CDH13: variants seen among roughly 807,000 people sequenced by gnomAD.
CDH13 encodes cadherin 13.
A neutral mutation model predicts 63.8 loss-of-function variants in CDH13; 24 were observed. The observed-to-expected ratio is 0.38, with a 90% CI of 0.27 to 0.53. The LOEUF is 0.53. CDH13 is among the 20% of genes least tolerant of loss of function. CDH13 has a pLI of 0.85. For missense variants in CDH13, 1,049 were observed against 903.1 expected, an observed-to-expected ratio of 1.16 and a Z score of -2.07; for synonymous variants, 503 against 355.3, an observed-to-expected ratio of 1.42 and a Z score of -4.67.
At chr16:83,792,113 C>G in intron 13 of CDH13, among the ~76,000 whole-genome samples, 1 of 152,184 alleles carries the variant, frequency 6.6e-6, no homozygotes, top group East Asian at 1.9e-4. Flanking sequence ...TATTGCGAAA[C>G]GTATTATGGA....
chr16:83,398,973 A>G (rs1178054039), intron 6 of CDH13, among the ~76,000 whole-genome samples: 12 of 152,190 alleles, frequency 7.9e-5, no homozygotes, highest in Admixed American at 5.9e-4. Context: ...AATGGATGCT[A>G]TTTACAACAA....
intron 6 of CDH13, among the ~76,000 whole-genome samples, chr16:83,446,055 T>C (rs2072678449): frequency 6.6e-6 from 1 of 151,854 alleles, no homozygotes; most frequent in Non-Finnish European, 1.5e-5. Context: ...TCCCAGCACT[T>C]TGGGAGGCTG....
At chr16:82,920,223 G>T (rs979903701) in intron 2 of CDH13, among the ~76,000 whole-genome samples, 1 of 152,124 alleles carries the variant, frequency 6.6e-6, no homozygotes, top group African/African-American at 2.4e-5. Flanking sequence ...TGTCTGTGTT[G>T]GCTCCATTCC....
rs1044819681 is a variant in CDH13, at chr16:82,644,956, A to G, written c.45+17819A>G. On this transcript the variant is annotated intron_variant, in intron 1 of 13. Transcript: ENST00000567109. This position sits in a 1 kb window ranked among gnomAD's most constrained non-coding sequence, Gnocchi z 5.7. ...ACTTGTATAAACTAATATTTTGGAA[A>G]ACTCTGGAGTTAGAGAAGTGGACCA... Among the ~76,000 whole-genome samples the G allele has an allele frequency of 6.6e-6, 1 of 152,228 alleles. No homozygotes were observed. The highest frequency in any genetic ancestry group is 1.5e-5 in the Non-Finnish European group (1 of 68,046).
At position 82,713,454 on chromosome 16, in the gene CDH13, C is replaced by G. The variant is rs376505896; in HGVS notation, c.45+86317C>G. On this transcript the variant is annotated intron_variant, in intron 1 of 13. Coordinates refer to ENST00000567109, the MANE Select transcript of CDH13 (RefSeq NM_001257.5). ...AGTATGCGTCCCCCTGAAACCCTTT[C>G]CCTGCCTGCCCCCAGCACTGTTGGG... 5.1e-4 allele frequency among the ~76,000 whole-genome samples: 77 copies of G among 152,272 alleles called. No individual in the cohort carries two copies. In the East Asian group the frequency reaches 0.014, roughly 27 times the overall value.
chr16:83,329,653 C>G (rs541686358), intron 5 of CDH13, among the ~76,000 whole-genome samples: 50 of 152,238 alleles, frequency 3.3e-4, no homozygotes, highest in African/African-American at 1.1e-3. Context: ...TTTCATCTTA[C>G]TCATCTGAAA....
intron 5 of CDH13, among the ~76,000 whole-genome samples, chr16:83,295,295 A>C (rs1310004830): frequency 6.6e-6 from 1 of 152,216 alleles, no homozygotes; most frequent in Non-Finnish European, 1.5e-5. Context: ...AACATAGGGA[A>C]AAGTTCCATG....
chr16:83,663,233 A>G (rs1192570471), intron 8 of CDH13, among the ~76,000 whole-genome samples: 1 of 152,168 alleles, frequency 6.6e-6, no homozygotes, highest in African/African-American at 2.4e-5. Flanking sequence ...GGATCACATG[A>G]TACAAAATGA....
chr16:83,432,172 G>C (rs912962839), intron 6 of CDH13, among the ~76,000 whole-genome samples: 8 of 152,152 alleles, frequency 5.3e-5, no homozygotes, highest in Admixed American at 1.3e-4. Flanking sequence ...GGAAATTTCA[G>C]ATTCCCTGTG....
intron 1 of CDH13, among the ~76,000 whole-genome samples, chr16:82,717,829 A>G (rs893208784): frequency 2.0e-5 from 3 of 151,924 alleles, no homozygotes; most frequent in Admixed American, 6.6e-5. Context: ...TTTGGGGATC[A>G]TTATTCAGCC....
At chr16:82,907,422 T>C (rs546975949) in intron 2 of CDH13, among the ~76,000 whole-genome samples, 2 of 152,124 alleles carry the variant, frequency 1.3e-5, no homozygotes, top group Admixed American at 6.5e-5. Context: ...TAGGGAGATA[T>C]AGTGAATTTT....
intron 5 of CDH13, among the ~76,000 whole-genome samples, chr16:83,225,546 A>C (rs1198272303): frequency 6.6e-6 from 1 of 152,240 alleles, no homozygotes; most frequent in Non-Finnish European, 1.5e-5. Context: ...GAGTTGGAAC[A>C]GGCTGATGTA....
chr16:82,887,122 G>A (rs2040915687), intron 2 of CDH13, among the ~76,000 whole-genome samples: 5 of 152,142 alleles, frequency 3.3e-5, no homozygotes, highest in African/African-American at 1.2e-4. Flanking sequence ...ATATAGGGAG[G>A]AAACCACTTT....
Position 83,754,187 on chromosome 16 carries a change from C to G in CDH13, c.1681+5937C>G, listed in dbSNP as rs147199795. On this transcript the variant is annotated intron_variant, in intron 11 of 13. Transcript: ENST00000567109. ...AGAGACCTACCAAAGGAAGCAAGCT[C>G]TCCTCAAATACATAGCCATTCTCTC... Among the ~76,000 whole-genome samples the G allele has an allele frequency of 2.1e-3, 316 of 152,254 alleles. 2 individuals carry two copies. Among genetic ancestry groups the G allele is most frequent in the Non-Finnish European group, 2.1e-3 (146 of 68,008 alleles).
At chr16:83,775,606 G>C (rs1038639258) in intron 11 of CDH13, among the ~76,000 whole-genome samples, 2 of 152,002 alleles carry the variant, frequency 1.3e-5, no homozygotes, top group African/African-American at 4.8e-5. Context: ...TGCTCAAATT[G>C]ACCTGTTTTC....
chr16:82,990,693 C>T (rs548315691), intron 2 of CDH13, among the ~76,000 whole-genome samples: 75 of 152,090 alleles, frequency 4.9e-4, no homozygotes, highest in African/African-American at 1.7e-3. Flanking sequence ...ATTACAGGTG[C>T]ATGCCACCAG....
chr16:83,795,112 G>A lies in CDH13; in HGVS notation c.*82G>A, dbSNP rs905790037. 1.8e-4 allele frequency: 219 copies of A among 1,249,694 alleles called. 2 individuals are homozygous for A. The Middle Eastern group carries it at 3.2e-3, about 18-fold the overall frequency. The allele number at this position is 1,249,694 out of a possible 1,614,324, so 77.4% of individuals were successfully genotyped here. ...AAATCTATCCAAATCTGAAGATTGC[G>A]GTTTACAGCTATCGAACTTCACAAC... On this transcript the variant is annotated 3_prime_UTR_variant, in exon 14 of 14. Coordinates refer to ENST00000567109, the MANE Select transcript of CDH13 (RefSeq NM_001257.5).
intron 10 of CDH13, among the ~76,000 whole-genome samples, chr16:83,686,769 G>A (rs1200874254): frequency 2.6e-5 from 4 of 152,088 alleles, no homozygotes; most frequent in African/African-American, 9.7e-5. Flanking sequence ...CAAAGACAGA[G>A]AAAAATTTTT....
chr16:83,148,008 A>C (rs2036822570), intron 4 of CDH13, among the ~76,000 whole-genome samples: 1 of 152,136 alleles, frequency 6.6e-6, no homozygotes, highest in African/African-American at 2.4e-5. Flanking sequence ...ATGTTTGCTT[A>C]ATGCAACCTC....
Sources: allele counts gnomAD v4.1 joint callset (sites outside exome capture counted in the v4.1 genomes callset), GRCh38; gene constraint gnomAD v4.1.1; non-coding constraint Gnocchi (gnomAD v3.1); transcripts MANE v1.5; gene names NCBI Gene and HGNC (gene_info 2026-07-23, HGNC 2026-07-21).